MBOAT1: variants seen among roughly 807,000 people sequenced by gnomAD.
MBOAT1 encodes the protein membrane-bound glycerophospholipid O-acyltransferase 1.
A neutral mutation model predicts 64.4 loss-of-function variants in MBOAT1; 67 were observed. The observed-to-expected ratio is 1.04, with a 90% CI of 0.85 to 1.27. MBOAT1 has a LOEUF of 1.27. Ranked by LOEUF, MBOAT1 falls within the 50% of genes most tolerant of loss-of-function variation. The pLI is 0.00. For synonymous variants in MBOAT1, 229 were observed against 218.9 expected, an observed-to-expected ratio of 1.05 and a Z score of -0.41; for missense variants, 563 against 604.6, an observed-to-expected ratio of 0.93 and a Z score of 0.72.
chr6:20,115,349 CA>C lies in MBOAT1; in HGVS notation c.1014del (p.Ala339ProfsTer19), dbSNP rs1305922340. ...LSNLNIWKIE[T>X]ATSFKMYLEN... ...TCCAAGTACATTTTGAAACTTGTGG[CA>C]GTCTGGAAAGAAGAAAATAACACCT... On this transcript the variant is annotated frameshift_variant and splice_region_variant, in exon 10 of 13. Coordinates refer to ENST00000324607, the MANE Select transcript of MBOAT1 (RefSeq NM_001080480.3). LOFTEE classifies it high-confidence loss of function. 2.5e-6 allele frequency: 4 copies of C among 1,613,040 alleles called. No individual in the cohort carries two copies. In the Admixed American group the frequency reaches 6.7e-5, roughly 27 times the overall value.
At chr6:20,146,360 A>T (rs1761325563) in intron 3 of MBOAT1, among the ~76,000 whole-genome samples, 1 of 152,226 alleles carries the variant, frequency 6.6e-6, no homozygotes, top group Non-Finnish European at 1.5e-5. Flanking sequence ...GTAAACTCTA[A>T]ATCACTGTGT....
chr6:20,211,110 C>G (rs546353945), intron 1 of MBOAT1, among the ~76,000 whole-genome samples: 1 of 152,254 alleles, frequency 6.6e-6, no homozygotes, highest in South Asian at 2.1e-4. Flanking sequence ...TCAGAGTGAG[C>G]CAGGTATGAG....
At chr6:20,150,349 C>T (rs1761454184) in intron 3 of MBOAT1, among the ~76,000 whole-genome samples, 1 of 152,016 alleles carries the variant, frequency 6.6e-6, no homozygotes, top group Non-Finnish European at 1.5e-5. Flanking sequence ...GTGGAGACAT[C>T]CATCACCCCC....
rs539050102 is a variant in MBOAT1, at chr6:20,154,877, T to A, written c.100-2108A>T. Among the ~76,000 whole-genome samples, 8 of 152,322 alleles carry A rather than the reference T, an allele frequency of 5.3e-5. No homozygotes were observed. In the South Asian group the frequency reaches 1.7e-3, roughly 32 times the overall value. On this transcript the variant is annotated intron_variant, in intron 1 of 12. Coordinates refer to ENST00000324607, the MANE Select transcript of MBOAT1 (RefSeq NM_001080480.3). Reference sequence around the variant, plus strand: ...TGTCTCATTTTAAACTGGCACCCAATAAACAAGAGCATTCCTCAAATTCAA... The same window carrying A: ...TGTCTCATTTTAAACTGGCACCCAAAAAACAAGAGCATTCCTCAAATTCAA...
At chr6:20,211,582 T>C (rs1221687459) in intron 1 of MBOAT1, among the ~76,000 whole-genome samples, 1 of 152,162 alleles carries the variant, frequency 6.6e-6, no homozygotes, top group Non-Finnish European at 1.5e-5. Flanking sequence ...CCCAGGCATA[T>C]GAGCCAACCG....
intron 1 of MBOAT1, among the ~76,000 whole-genome samples, chr6:20,159,901 C>A (rs908107751): frequency 7.9e-5 from 12 of 152,176 alleles, no homozygotes; most frequent in African/African-American, 2.9e-4. Flanking sequence ...CCCTCCAGAG[C>A]AGCAAATAAA....
At position 20,100,359 on chromosome 6, in the gene MBOAT1, G is replaced by C; in HGVS notation, c.*1927C>G. Among the ~76,000 whole-genome samples the C allele has an allele frequency of 6.6e-6, 1 of 152,138 alleles. No homozygotes were observed. Among genetic ancestry groups the C allele is most frequent in the East Asian group, 1.9e-4 (1 of 5,198 alleles). ...CGTACCTCAAACTATTCTTGGTGGA[G>C]ACAAACTCTGACAGATTTTAGATAC... On this transcript the variant is annotated 3_prime_UTR_variant, in exon 13 of 13. Coordinates refer to ENST00000324607, the MANE Select transcript of MBOAT1 (RefSeq NM_001080480.3).
At chr6:20,134,953 A>T (rs1268545297) in intron 4 of MBOAT1, among the ~76,000 whole-genome samples, 1 of 148,894 alleles carries the variant, frequency 6.7e-6, no homozygotes, top group Non-Finnish European at 1.5e-5. Context: ...AGTACAGGAG[A>T]ACATACTAAA....
At position 20,101,621 on chromosome 6, in the gene MBOAT1, G is replaced by C. The variant is rs953199669; in HGVS notation, c.*665C>G. Among the ~76,000 whole-genome samples the C allele has an allele frequency of 9.9e-5, 15 of 152,130 alleles. No homozygotes were observed. Among genetic ancestry groups the C allele is most frequent in the Middle Eastern group, 3.2e-3 (1 of 316 alleles). On this transcript the variant is annotated 3_prime_UTR_variant, in exon 13 of 13. Coordinates refer to ENST00000324607, the MANE Select transcript of MBOAT1 (RefSeq NM_001080480.3). ...CTCAGCACTCGCCTTCTAATTTTTG[G>C]AGCCGATGCCTGGGTTCCCAGCATC...
intron 9 of MBOAT1, among the ~76,000 whole-genome samples, chr6:20,116,463 A>G (rs987245757): frequency 6.6e-6 from 1 of 152,264 alleles, no homozygotes; most frequent in Non-Finnish European, 1.5e-5. Context: ...AATAATATAT[A>G]GGCCACACAT....
At chr6:20,112,845 G>A (rs1412812619) in intron 11 of MBOAT1, 31 bp downstream of exon 11, 1 of 1,601,438 alleles carries the variant, frequency 6.2e-7, no homozygotes, top group Admixed American at 1.7e-5. Flanking sequence ...GATTACTAAG[G>A]GGAAAGACCC....
chr6:20,137,276 C>T (rs575848925), intron 4 of MBOAT1, among the ~76,000 whole-genome samples: 3 of 152,248 alleles, frequency 2.0e-5, no homozygotes, highest in South Asian at 2.1e-4. Flanking sequence ...AACCTGCAAT[C>T]GTGATGGGAG....
Position 20,181,613 on chromosome 6 carries a change from A to C in MBOAT1, c.100-28844T>G, listed in dbSNP as rs1762511939. ...TTACAAAAATGGCAGAAGCTTTGCT[A>C]TCCACCTTCTAGAGAAAGAAGTAAA... On this transcript the variant is annotated intron_variant, in intron 1 of 12. Transcript: ENST00000324607. 2.0e-5 allele frequency among the ~76,000 whole-genome samples: 3 copies of C among 152,254 alleles called. 1 individual carries two copies. In the South Asian group the frequency reaches 6.2e-4, roughly 32 times the overall value.
intron 8 of MBOAT1, among the ~76,000 whole-genome samples, chr6:20,118,778 G>A (rs1760409781): frequency 6.6e-6 from 1 of 152,146 alleles, no homozygotes; most frequent in South Asian, 2.1e-4. Context: ...ACCTGCTAAG[G>A]TAAGAGGAAA....
intron 1 of MBOAT1, among the ~76,000 whole-genome samples, chr6:20,195,443 CT>C (rs532226488): frequency 7.9e-5 from 12 of 152,068 alleles, no homozygotes; most frequent in Non-Finnish European, 1.6e-4. Flanking sequence ...CTAGGTTCAC[CT>C]TGTATATATT....
intron 4 of MBOAT1, 131 bp downstream of exon 4, chr6:20,144,089 A>G: frequency 3.1e-6 from 2 of 641,130 alleles, no homozygotes; most frequent in Non-Finnish European, 5.6e-6. Flanking sequence ...CCTCAATCCC[A>G]TTAGCAGTGT....
chr6:20,194,663 G>A (rs1762903936), intron 1 of MBOAT1, among the ~76,000 whole-genome samples: 1 of 152,114 alleles, frequency 6.6e-6, no homozygotes, highest in African/African-American at 2.4e-5. Context: ...GTGTCTAACA[G>A]GTTTCTCCAC....
chr6:20,151,954 T>G (rs1473921661), intron 2 of MBOAT1, among the ~76,000 whole-genome samples: 1 of 152,176 alleles, frequency 6.6e-6, no homozygotes. Flanking sequence ...TTAGGAAAGG[T>G]TCCTTTTGGG....
intron 1 of MBOAT1, among the ~76,000 whole-genome samples, chr6:20,199,112 C>G (rs1253266824): frequency 1.3e-5 from 2 of 152,214 alleles, no homozygotes; most frequent in Non-Finnish European, 2.9e-5. Context: ...CTGTACTTCA[C>G]TTTCTTTTTT....
Sources: allele counts gnomAD v4.1 joint callset (sites outside exome capture counted in the v4.1 genomes callset), GRCh38; gene constraint gnomAD v4.1.1; transcripts MANE v1.5; gene names NCBI Gene and HGNC (gene_info 2026-07-23, HGNC 2026-07-21).